Variants in NEXMIF observed in about 807,000 individuals in gnomAD.
NEXMIF encodes XLMR protein related to neurite extension.
A neutral mutation model predicts 62.1 loss-of-function variants in NEXMIF; 8 were observed. That is an observed-to-expected ratio of 0.13 (90% CI 0.08 to 0.23). The LOEUF is 0.23. NEXMIF is among the 10% of genes least tolerant of loss of function. The pLI is 1.00. For synonymous variants in NEXMIF, 404 were observed against 416.6 expected (o/e 0.97, Z 0.37); for missense variants, 976 against 1,113.3 (o/e 0.88, Z 1.75).
At chrX:74,912,324 T>C (rs1157750330) in intron 1 of NEXMIF, among the ~76,000 whole-genome samples, 1 of 111,618 alleles carries the variant, frequency 9.0e-6, no homozygotes, top group Non-Finnish European at 1.9e-5. Flanking sequence ...CACTCTTTTC[T>C]GTTAACGTTT....
intron 1 of NEXMIF, among the ~76,000 whole-genome samples, chrX:74,838,058 C>T (rs1350329730): frequency 9.0e-6 from 1 of 111,311 alleles, no homozygotes; most frequent in South Asian, 3.8e-4. Context: ...CAGCAAGTGC[C>T]CTGGACTTAC....
At chrX:74,873,095 T>C (rs1166281258) in intron 1 of NEXMIF, among the ~76,000 whole-genome samples, 1 of 110,226 alleles carries the variant, frequency 9.1e-6, no homozygotes, top group South Asian at 3.9e-4. Context: ...ACCCACTAAC[T>C]CGTCATCTAG....
At chrX:74,816,601 G>T (rs1282176481) in intron 1 of NEXMIF, among the ~76,000 whole-genome samples, 1 of 111,536 alleles carries the variant, frequency 9.0e-6, no homozygotes, top group Non-Finnish European at 1.9e-5. Context: ...TAAAAGCATT[G>T]CTTTTAAAAG....
At chrX:74,858,657 T>C (rs761001593) in intron 1 of NEXMIF, among the ~76,000 whole-genome samples, 2 of 111,078 alleles carry the variant, frequency 1.8e-5, no homozygotes, top group Non-Finnish European at 1.9e-5. Flanking sequence ...AGGAGAAACA[T>C]GAAATTACCA....
chrX:74,799,514 C>T (rs1196085995), intron 1 of NEXMIF, among the ~76,000 whole-genome samples: 1 of 112,434 alleles, frequency 8.9e-6, no homozygotes, highest in Non-Finnish European at 1.9e-5. Flanking sequence ...ACGCTATTTA[C>T]CACACTGGTC....
rs192371138 is a variant in NEXMIF, at chrX:74,911,782, T to C, written c.-48+13101A>G. Among the ~76,000 whole-genome samples, 106 of 112,617 alleles carry C rather than the reference T, an allele frequency of 9.4e-4. No individual in the cohort carries two copies. In the East Asian group the frequency reaches 0.019, roughly 20 times the overall value. On this transcript the variant is annotated intron_variant, in intron 1 of 3. Coordinates refer to ENST00000055682, the MANE Select transcript of NEXMIF (RefSeq NM_001008537.3). Reference sequence around the variant, plus strand: ...CAGCCAAGTGGATTTGACTGTGTTATGAAATATCTTAACATGTCAAAGCCA... The same window carrying C: ...CAGCCAAGTGGATTTGACTGTGTTACGAAATATCTTAACATGTCAAAGCCA...
At chrX:74,885,668 C>CA (rs1279776130) in intron 1 of NEXMIF, among the ~76,000 whole-genome samples, 1 of 111,212 alleles carries the variant, frequency 9.0e-6, no homozygotes, top group African/African-American at 3.3e-5. Flanking sequence ...GCTTACCAAC[C>CA]AAAAAAAGTC....
At chrX:74,819,339 C>T (rs1447023095) in intron 1 of NEXMIF, among the ~76,000 whole-genome samples, 2 of 111,692 alleles carry the variant, frequency 1.8e-5, no homozygotes, top group Non-Finnish European at 3.8e-5. Flanking sequence ...CAAATGAGAT[C>T]TAATTAAACT....
At chrX:74,789,718 A>C (rs1393088453) in intron 1 of NEXMIF, among the ~76,000 whole-genome samples, 1 of 110,188 alleles carries the variant, frequency 9.1e-6, no homozygotes, top group Non-Finnish European at 1.9e-5. Context: ...CATTTCTCTG[A>C]TGGCCAGTGA....
At chrX:74,886,577 G>C (rs1306219628) in intron 1 of NEXMIF, among the ~76,000 whole-genome samples, 1 of 111,062 alleles carries the variant, frequency 9.0e-6, no homozygotes, top group Non-Finnish European at 1.9e-5. Context: ...AAATACCTAG[G>C]AATCCAACTT....
chrX:74,831,367 C>T (rs1457320676), intron 1 of NEXMIF, among the ~76,000 whole-genome samples: 2 of 95,749 alleles, frequency 2.1e-5, no homozygotes, highest in Non-Finnish European at 4.2e-5. Flanking sequence ...CAACAGTCCC[C>T]GGAGTGTGAT....
intron 1 of NEXMIF, among the ~76,000 whole-genome samples, chrX:74,801,562 C>T (rs1188527197): frequency 9.0e-6 from 1 of 110,848 alleles, no homozygotes; most frequent in Non-Finnish European, 1.9e-5. Flanking sequence ...CCTTGAGTTA[C>T]CCTGGTACTA....
intron 1 of NEXMIF, among the ~76,000 whole-genome samples, chrX:74,827,343 C>G (rs780160114): frequency 8.9e-6 from 1 of 111,887 alleles, no homozygotes; most frequent in African/African-American, 3.2e-5. Context: ...TGATTTCCAC[C>G]TCACTACCAC....
rs1287228283 is a variant in NEXMIF at position 74,874,213 on chromosome X, C to G, written c.-48+50670G>C. Among the ~76,000 whole-genome samples the G allele has an allele frequency of 4.2e-3, 463 of 109,935 alleles. 4 individuals carry two copies. The highest frequency in any genetic ancestry group is 6.4e-3 in the Non-Finnish European group (338 of 52,854). On this transcript the variant is annotated intron_variant, in intron 1 of 3. Transcript: ENST00000055682. ...TCCAGTTTCAGCTTTCTACATCTGG[C>G]TAGCCAGTTTTCCCAGCACCATTTA...
At chrX:74,809,712 C>T (rs1479199550) in intron 1 of NEXMIF, among the ~76,000 whole-genome samples, 4 of 111,729 alleles carry the variant, frequency 3.6e-5, no homozygotes, top group African/African-American at 9.8e-5. Flanking sequence ...ATTGCTCTTT[C>T]TAGTTTACTA....
At chrX:74,781,334 T>C (rs181732463) in intron 1 of NEXMIF, among the ~76,000 whole-genome samples, 20 of 112,475 alleles carry the variant, frequency 1.8e-4, no homozygotes, top group Admixed American at 1.1e-3. Flanking sequence ...GGCAGGAGTT[T>C]TGTATTTTTG....
intron 1 of NEXMIF, among the ~76,000 whole-genome samples, chrX:74,771,435 CT>C (rs2080209841): frequency 9.0e-6 from 1 of 111,334 alleles, no homozygotes; most frequent in African/African-American, 3.3e-5. Flanking sequence ...CTACCTGTTA[CT>C]GCTAAACATT....
At chrX:74,879,340 C>G (rs917282472) in intron 1 of NEXMIF, among the ~76,000 whole-genome samples, 2 of 112,042 alleles carry the variant, frequency 1.8e-5, no homozygotes, top group South Asian at 7.3e-4. Flanking sequence ...AGGAGCTCAA[C>G]AAATTCCAAG....
chrX:74,855,227 A>T (rs182773549), intron 1 of NEXMIF, among the ~76,000 whole-genome samples: 4 of 112,219 alleles, frequency 3.6e-5, no homozygotes, highest in African/African-American at 1.3e-4. Flanking sequence ...CACACAGATA[A>T]ATGAAATAGA....
Sources: allele counts gnomAD v4.1 joint callset (sites outside exome capture counted in the v4.1 genomes callset), GRCh38; gene constraint gnomAD v4.1.1; transcripts MANE v1.5; gene names NCBI Gene and HGNC (gene_info 2026-07-23, HGNC 2026-07-21).